C12orf42: variants seen among roughly 807,000 people sequenced by gnomAD.
The protein encoded by C12orf42 is chromosome 12 open reading frame 42, also known as uncharacterized protein C12orf42.
Under a neutral mutation model 21.6 loss-of-function variants are expected in C12orf42, and 25 were observed. The observed-to-expected ratio is 1.16, with a 90% CI of 0.84 to 1.62. The LOEUF (loss-of-function observed/expected upper bound fraction) is 1.62. C12orf42 is among the 40% of genes most tolerant of loss of function. The probability of loss-of-function intolerance (pLI) is 0.00; values close to 1 mark genes in which losing one functional copy is unlikely to be tolerated. For synonymous variants in C12orf42, 174 were observed against 175.0 expected, an observed-to-expected ratio of 0.99 and a Z score of 0.05; for missense variants, 483 against 459.3, an observed-to-expected ratio of 1.05 and a Z score of -0.47.
At chr12:103,155,423 A>C in the C12orf42 span, among the ~76,000 whole-genome samples, 5 of 152,174 alleles carry the variant, frequency 3.3e-5, no homozygotes, top group African/African-American at 9.6e-5. Flanking sequence ...ATAAGCTATA[A>C]GGCAACTAAT....
At chr12:103,288,662 A>AC (rs1413671504) in intron 4 of C12orf42, among the ~76,000 whole-genome samples, 3 of 152,160 alleles carry the variant, frequency 2.0e-5, no homozygotes, top group African/African-American at 7.2e-5. Context: ...ACTATGTTAG[A>AC]CGTGTAAAAG....
intron 4 of C12orf42, among the ~76,000 whole-genome samples, chr12:103,294,596 G>GAA (rs1163062019): frequency 1.4e-4 from 15 of 107,550 alleles, no homozygotes; most frequent in African/African-American, 5.1e-4. Context: ...AAGAAAGAAA[G>GAA]AAAGAAAGAA....
intron 3 of C12orf42, among the ~76,000 whole-genome samples, chr12:103,369,788 C>T (rs1315776688): frequency 2.0e-5 from 3 of 152,080 alleles, no homozygotes; most frequent in Admixed American, 6.6e-5. Flanking sequence ...GAAAGATAAC[C>T]TAGGCAATAG....
At chr12:103,426,145 G>A (rs1381982211) in intron 2 of C12orf42, among the ~76,000 whole-genome samples, 2 of 152,112 alleles carry the variant, frequency 1.3e-5, no homozygotes, top group Non-Finnish European at 2.9e-5. Context: ...TCAGAAGGTG[G>A]GTAATAACAA....
intron 3 of C12orf42, among the ~76,000 whole-genome samples, chr12:103,378,181 C>A (rs1406521914): frequency 6.6e-6 from 1 of 152,108 alleles, no homozygotes; most frequent in South Asian, 2.1e-4. Flanking sequence ...TGCAGCATAC[C>A]ATTCAGAGGC....
At chr12:103,196,645 G>C in the C12orf42 span, among the ~76,000 whole-genome samples, 1 of 152,020 alleles carries the variant, frequency 6.6e-6, no homozygotes, top group Non-Finnish European at 1.5e-5. Context: ...AAGTATTCTT[G>C]TTGAATCTGT....
chr12:103,269,562 T>C (rs1252643021), intron 6 of C12orf42, among the ~76,000 whole-genome samples: 1 of 152,202 alleles, frequency 6.6e-6, no homozygotes, highest in African/African-American at 2.4e-5. Context: ...CAGTGTTTAA[T>C]ATTCATCAGT....
the C12orf42 span, among the ~76,000 whole-genome samples, chr12:103,150,046 T>G: frequency 6.6e-6 from 1 of 152,130 alleles, no homozygotes; most frequent in African/African-American, 2.4e-5. Flanking sequence ...TCCAGTTAGC[T>G]CAAATCTAGG....
At chr12:103,323,440 G>A (rs540087816) in intron 4 of C12orf42, among the ~76,000 whole-genome samples, 94 of 152,326 alleles carry the variant, frequency 6.2e-4, no homozygotes, top group African/African-American at 2.2e-3. Context: ...AACTTACAGT[G>A]TAGCTATGTC....
chr12:103,271,257 A>T (rs905695823), intron 5 of C12orf42, among the ~76,000 whole-genome samples: 31 of 152,200 alleles, frequency 2.0e-4, no homozygotes, highest in Non-Finnish European at 7.3e-5. Flanking sequence ...CATGTACAAC[A>T]GCAGCTTAAC....
chr12:103,171,338 T>C, the C12orf42 span, among the ~76,000 whole-genome samples: 2 of 152,162 alleles, frequency 1.3e-5, no homozygotes, highest in African/African-American at 2.4e-5. Context: ...GCAGAGGCAT[T>C]GTCTGCCTTG....
chr12:103,555,177 C>T, the C12orf42 span, among the ~76,000 whole-genome samples: 1 of 152,064 alleles, frequency 6.6e-6, no homozygotes, highest in Non-Finnish European at 1.5e-5. Context: ...TTCCATGTTG[C>T]TAATAAAGAC....
At chr12:103,106,104 T>C in the C12orf42 span, among the ~76,000 whole-genome samples, 4 of 152,152 alleles carry the variant, frequency 2.6e-5, no homozygotes, top group Non-Finnish European at 5.9e-5. Flanking sequence ...TATTTTTACC[T>C]CATCATGAGT....
chr12:103,155,796 T>C, the C12orf42 span, among the ~76,000 whole-genome samples: 2 of 150,812 alleles, frequency 1.3e-5, no homozygotes, highest in African/African-American at 2.4e-5. Context: ...ATAGTACATA[T>C]ACATATACCA....
At chr12:103,097,862 T>G in the C12orf42 span, among the ~76,000 whole-genome samples, 1 of 152,252 alleles carries the variant, frequency 6.6e-6, no homozygotes, top group East Asian at 1.9e-4. Context: ...CAAAAGCTGC[T>G]TTTGATAATA....
the C12orf42 span, among the ~76,000 whole-genome samples, chr12:103,075,769 G>A: frequency 1.3e-5 from 2 of 152,150 alleles, no homozygotes; most frequent in South Asian, 4.1e-4. Context: ...AACAATGGAA[G>A]GTCTGACCAG....
chr12:103,494,815 G>T (rs1197639871), intron 1 of C12orf42, among the ~76,000 whole-genome samples: 1 of 152,178 alleles, frequency 6.6e-6, no homozygotes, highest in Non-Finnish European at 1.5e-5. Flanking sequence ...GCGGTGAATA[G>T]GGTAAAGAAG....
chr12:103,274,796 T>A (rs1228407463), intron 5 of C12orf42, among the ~76,000 whole-genome samples: 5 of 152,212 alleles, frequency 3.3e-5, no homozygotes, highest in Non-Finnish European at 7.4e-5. Context: ...TGGTTTAAAT[T>A]TGATAAACAG....
At chr12:103,543,049 G>A in the C12orf42 span, among the ~76,000 whole-genome samples, 2 of 152,168 alleles carry the variant, frequency 1.3e-5, no homozygotes, top group Non-Finnish European at 2.9e-5. Flanking sequence ...TGATTAAAAA[G>A]GATTTGCCAA....
Sources: allele counts gnomAD v4.1 joint callset (sites outside exome capture counted in the v4.1 genomes callset), GRCh38; gene constraint gnomAD v4.1.1; transcripts MANE v1.5; gene names NCBI Gene and HGNC (gene_info 2026-07-23, HGNC 2026-07-21).